DNAJC13: variants seen among roughly 807,000 people sequenced by gnomAD.
DNAJC13 encodes DnaJ heat shock protein family (Hsp40) member C13.
DNAJC13 carries 75 observed loss-of-function variants against 290.5 expected under a neutral mutation model. The observed-to-expected ratio is 0.26, with a 90% CI of 0.21 to 0.31. The LOEUF (loss-of-function observed/expected upper bound fraction) is 0.31. Ranked by LOEUF, DNAJC13 falls within the 10% of genes least tolerant of loss-of-function variation. The probability of loss-of-function intolerance (pLI) is 1.00; values close to 1 mark genes in which losing one functional copy is unlikely to be tolerated. For missense variants in DNAJC13, 2,260 were observed against 2,674.5 expected, an observed-to-expected ratio of 0.85 and a Z score of 3.42; for synonymous variants, 862 against 892.0, an observed-to-expected ratio of 0.97 and a Z score of 0.60.
At chr3:132,442,753 G>A (rs1933112334) in intron 2 of DNAJC13, among the ~76,000 whole-genome samples, 1 of 152,130 alleles carries the variant, frequency 6.6e-6, no homozygotes, top group African/African-American at 2.4e-5. Context: ...CTTAAGAAAT[G>A]CCTACTTCTT....
intron 22 of DNAJC13, among the ~76,000 whole-genome samples, chr3:132,477,531 G>A (rs994199683): frequency 6.6e-6 from 1 of 152,186 alleles, no homozygotes; most frequent in Non-Finnish European, 1.5e-5. Context: ...AAACCCAGTA[G>A]GGAATAAAGC....
In DNAJC13 at chr3:132,503,310, A is replaced by G. The variant is rs116322000; in HGVS notation, c.4813A>G (p.Ile1605Val). 981 of 1,614,176 alleles carry G rather than the reference A, an allele frequency of 6.1e-4. 3 individuals carry two copies. In the African/African-American group the frequency reaches 0.011, roughly 18 times the overall value. Residue 1605 changes from isoleucine (I) to valine (V), a missense_variant, in exon 41 of 56, where the codon ATA becomes GTA. By Grantham distance (29) the Ile-to-Val change is conservative (BLOSUM62 3). This residue lies in a region of DNAJC13 where 1,494 missense variants were observed against 1,693.7 expected (regional missense o/e 0.88). Transcript: ENST00000260818. ...ACAAGCAACTCCAGAAAATCCAACC[A>G]TAAGGAAAAGCTTAGCTGGCATGCT... ...EEQATPENPT[I>V]RKSLAGMLTP...
intron 2 of DNAJC13, among the ~76,000 whole-genome samples, chr3:132,439,352 A>C (rs1418520682): frequency 2.6e-5 from 4 of 152,132 alleles, no homozygotes; most frequent in Non-Finnish European, 5.9e-5. Context: ...GTTCTACAAG[A>C]GAAAAGATAT....
chr3:132,438,895 G>A (rs960233856), intron 2 of DNAJC13, among the ~76,000 whole-genome samples: 1 of 152,128 alleles, frequency 6.6e-6, no homozygotes, highest in Non-Finnish European at 1.5e-5. Flanking sequence ...AGTAGATTCA[G>A]GGGGGAAAAG....
rs1936135238 is a variant in DNAJC13, at chr3:132,522,910, T to C, written c.5756T>C (p.Phe1919Ser). 1 of 1,613,602 alleles carries C rather than the reference T, an allele frequency of 6.2e-7. No homozygotes were observed. Among genetic ancestry groups the C allele is most frequent in the African/African-American group, 1.3e-5 (1 of 74,930 alleles). The change falls in exon 49 of 56, where the codon TTT becomes TCT. Residue 1919 changes from phenylalanine to serine, a missense_variant. By Grantham distance (155) the Phe-to-Ser change is radical (BLOSUM62 -2). Coordinates refer to ENST00000260818, the MANE Select transcript of DNAJC13 (RefSeq NM_015268.4). ...AATCCTGAAGCTGCTGTACATATTTTTGAAGGAACTCATGAAAATCCTGAG... is the reference window on the plus strand; with the variant it reads ...AATCCTGAAGCTGCTGTACATATTTCTGAAGGAACTCATGAAAATCCTGAG... ...RDNPEAAVHI[F>S]EGTHENPELI... is the part of the protein sequence containing the mutation.
At chr3:132,490,857 T>C (rs1338683893) in intron 31 of DNAJC13, 40 bp from the exon 32 acceptor site, 3 of 1,460,290 alleles carry the variant, frequency 2.1e-6, no homozygotes, top group South Asian at 1.4e-5. Flanking sequence ...AAGTTAACTT[T>C]AGTGTTTTTG....
intron 20 of DNAJC13, chr3:132,472,494 A>G: frequency 1.1e-6 from 1 of 883,406 alleles, no homozygotes; most frequent in East Asian, 1.2e-4. Context: ...ATAATTTAGC[A>G]GATCTAGGCT....
At chr3:132,499,657 A>G (rs1935349821) in intron 37 of DNAJC13, 77 bp from the exon 38 acceptor site, 3 of 1,200,138 alleles carry the variant, frequency 2.5e-6, no homozygotes, top group South Asian at 2.6e-5. Context: ...GGTTATTTAT[A>G]TTTTATTACT....
intron 1 of DNAJC13, among the ~76,000 whole-genome samples, chr3:132,419,924 T>C (rs1057256019): frequency 2.0e-5 from 3 of 152,212 alleles, no homozygotes; most frequent in African/African-American, 2.4e-5. Flanking sequence ...ATAAATAATG[T>C]AACTACCTCT....
chr3:132,450,986 A>G, intron 6 of DNAJC13, 139 bp downstream of exon 6: 1 of 525,694 alleles, frequency 1.9e-6, no homozygotes, highest in Non-Finnish European at 3.3e-6. Context: ...TTTGGTATCA[A>G]AGATACCTGA....
intron 3 of DNAJC13, among the ~76,000 whole-genome samples, 172 bp from the exon 4 acceptor site, chr3:132,447,149 C>T (rs949545717): frequency 6.6e-6 from 1 of 152,002 alleles, no homozygotes; most frequent in African/African-American, 2.4e-5. Context: ...ATTTTTCTGA[C>T]TAAAAACCTT....
At chr3:132,499,039 C>A in intron 36 of DNAJC13, 87 bp from the exon 37 acceptor site, 1 of 1,245,990 alleles carries the variant, frequency 8.0e-7, no homozygotes, top group Non-Finnish European at 1.1e-6. Context: ...TTTAAGGCAA[C>A]ATATTCTTGA....
At chr3:132,446,932 G>A (rs1933262160) in intron 3 of DNAJC13, among the ~76,000 whole-genome samples, 1 of 151,960 alleles carries the variant, frequency 6.6e-6, no homozygotes, top group South Asian at 2.1e-4. Context: ...TAGGATTATG[G>A]GTTTATAAAG....
At chr3:132,503,449 C>A in intron 41 of DNAJC13, 68 bp downstream of exon 41, 2 of 1,538,912 alleles carry the variant, frequency 1.3e-6, no homozygotes, top group South Asian at 1.2e-5. Context: ...TAAAGTAGTA[C>A]AATAATATTG....
chr3:132,417,987 G>C (rs1938842373), intron 1 of DNAJC13, among the ~76,000 whole-genome samples: 1 of 152,102 alleles, frequency 6.6e-6, no homozygotes, highest in Non-Finnish European at 1.5e-5. Flanking sequence ...GCCCTGTCCA[G>C]CCCCACCCCT....
chr3:132,419,923 G>T (rs1279489505), intron 1 of DNAJC13, among the ~76,000 whole-genome samples: 1 of 152,110 alleles, frequency 6.6e-6, no homozygotes, highest in Non-Finnish European at 1.5e-5. Context: ...TATAAATAAT[G>T]TAACTACCTC....
At chr3:132,444,460 G>C (rs1933178816) in intron 2 of DNAJC13, among the ~76,000 whole-genome samples, 1 of 152,208 alleles carries the variant, frequency 6.6e-6, no homozygotes, top group African/African-American at 2.4e-5. Flanking sequence ...GTGAAGATTG[G>C]TGTAGGATTG....
At chr3:132,455,925 A>G (rs1933583181) in intron 9 of DNAJC13, among the ~76,000 whole-genome samples, 1 of 152,246 alleles carries the variant, frequency 6.6e-6, no homozygotes, top group East Asian at 1.9e-4. Context: ...AAAAATTATC[A>G]AACTGTACGT....
chr3:132,465,352 T>G (rs973614285), intron 17 of DNAJC13, among the ~76,000 whole-genome samples: 1 of 141,250 alleles, frequency 7.1e-6, no homozygotes, highest in African/African-American at 3.2e-5. Context: ...TTTCTACTTA[T>G]GAGGAGCTTT....
Sources: gnomAD v4.1 joint callset for allele counts (sites outside exome capture counted in the v4.1 genomes callset) on GRCh38, gnomAD v4.1.1 for gene constraint, gnomAD v4.1.1 regional missense constraint, MANE v1.5 for transcripts, NCBI Gene and HGNC (gene_info 2026-07-23, HGNC 2026-07-21) for gene names.